SCFD2: variants seen among roughly 807,000 people sequenced by gnomAD.
The protein encoded by SCFD2 is sec1 family domain containing 2, also known as sec1 family domain-containing protein 2.
Under a neutral mutation model 58.9 loss-of-function variants are expected in SCFD2, and 54 were observed. The ratio of observed to expected loss-of-function variants is 0.92; its 90% CI spans 0.74 to 1.15. The LOEUF (loss-of-function observed/expected upper bound fraction) is 1.15, where lower values mean the gene tolerates loss of function less well. Ranked by LOEUF, SCFD2 falls within the 50% of genes most tolerant of loss-of-function variation. The pLI is 0.00. For synonymous variants in SCFD2, 321 were observed against 335.9 expected, an observed-to-expected ratio of 0.96 and a Z score of 0.49; for missense variants, 805 against 836.6, an observed-to-expected ratio of 0.96 and a Z score of 0.47.
At chr4:53,184,224 A>T (rs979801541) in intron 4 of SCFD2, among the ~76,000 whole-genome samples, 1 of 152,076 alleles carries the variant, frequency 6.6e-6, no homozygotes, top group African/African-American at 2.4e-5. Context: ...TTACCTAGGG[A>T]AAAAGACCAC....
chr4:53,261,461 C>A (rs1730826205), intron 4 of SCFD2, among the ~76,000 whole-genome samples: 1 of 152,032 alleles, frequency 6.6e-6, no homozygotes, highest in South Asian at 2.1e-4. Flanking sequence ...TAATTTGCAT[C>A]TTGATTTCAT....
At chr4:53,241,270 G>A (rs1441208886) in intron 4 of SCFD2, among the ~76,000 whole-genome samples, 1 of 152,174 alleles carries the variant, frequency 6.6e-6, no homozygotes, top group East Asian at 1.9e-4. Flanking sequence ...TTGGTGCGGT[G>A]GCAACTATAG....
At chr4:53,217,357 T>C (rs959271444) in intron 4 of SCFD2, among the ~76,000 whole-genome samples, 1 of 152,240 alleles carries the variant, frequency 6.6e-6, no homozygotes, top group Non-Finnish European at 1.5e-5. Flanking sequence ...ATGTTTAGGA[T>C]AGTTAGCTCT....
chr4:52,992,425 T>C (rs1343035115), intron 5 of SCFD2, among the ~76,000 whole-genome samples: 2 of 152,322 alleles, frequency 1.3e-5, no homozygotes, highest in East Asian at 3.9e-4. Flanking sequence ...AGTGCCGAGA[T>C]TGCAGCCTCT....
chr4:52,952,239 A>G, intron 5 of SCFD2, among the ~76,000 whole-genome samples: 1 of 115,174 alleles, frequency 8.7e-6, no homozygotes, highest in Admixed American at 9.7e-5. Flanking sequence ...ATCCCCTCTC[A>G]CAGCCCCATC....
At chr4:52,992,978 G>C (rs1294505040) in intron 5 of SCFD2, among the ~76,000 whole-genome samples, 3 of 151,892 alleles carry the variant, frequency 2.0e-5, no homozygotes, top group Non-Finnish European at 4.4e-5. Context: ...GGAAAAGATA[G>C]AGAAATCAGA....
chr4:53,219,272 C>T (rs988219789), intron 4 of SCFD2, among the ~76,000 whole-genome samples: 1 of 152,204 alleles, frequency 6.6e-6, no homozygotes, highest in African/African-American at 2.4e-5. Context: ...CCTTGAGCTG[C>T]CGTTGGCTCC....
At chr4:53,292,971 G>A (rs1334193250) in intron 3 of SCFD2, among the ~76,000 whole-genome samples, 2 of 151,956 alleles carry the variant, frequency 1.3e-5, no homozygotes, top group African/African-American at 2.4e-5. Flanking sequence ...AACCACCATG[G>A]CACATGTATA....
At chr4:53,075,063 T>C (rs1723932524) in intron 5 of SCFD2, among the ~76,000 whole-genome samples, 1 of 152,242 alleles carries the variant, frequency 6.6e-6, no homozygotes, top group East Asian at 1.9e-4. Flanking sequence ...TGTTGTTTAA[T>C]GTAGCCACCT....
intron 4 of SCFD2, among the ~76,000 whole-genome samples, chr4:53,190,543 C>G (rs766231216): frequency 1.3e-5 from 2 of 152,180 alleles, no homozygotes; most frequent in African/African-American, 4.8e-5. Flanking sequence ...GCAAACTACT[C>G]CACCTCTAAT....
At chr4:53,239,071 A>G (rs1425770897) in intron 4 of SCFD2, among the ~76,000 whole-genome samples, 1 of 151,396 alleles carries the variant, frequency 6.6e-6, no homozygotes, top group Non-Finnish European at 1.5e-5. Context: ...CCTGGGCACC[A>G]TTGAGCACTG....
At chr4:53,079,000 G>A (rs1724062594) in intron 5 of SCFD2, among the ~76,000 whole-genome samples, 1 of 129,082 alleles carries the variant, frequency 7.7e-6, no homozygotes, top group Non-Finnish European at 1.8e-5. Flanking sequence ...CCTCTGGTTT[G>A]TACAAGAACC....
chr4:52,917,081 A>G (rs530329463), intron 6 of SCFD2, among the ~76,000 whole-genome samples: 26 of 152,028 alleles, frequency 1.7e-4, no homozygotes, highest in African/African-American at 6.3e-4. Flanking sequence ...TAAATTTAAG[A>G]ATTTTTTTAG....
At chr4:52,976,617 C>A (rs1721266066) in intron 5 of SCFD2, among the ~76,000 whole-genome samples, 2 of 152,156 alleles carry the variant, frequency 1.3e-5, no homozygotes, top group African/African-American at 4.8e-5. Flanking sequence ...TGCCAGCCGA[C>A]CCTGACACTG....
At chr4:53,304,369 G>T (rs945662473) in intron 3 of SCFD2, among the ~76,000 whole-genome samples, 1 of 151,960 alleles carries the variant, frequency 6.6e-6, no homozygotes, top group Non-Finnish European at 1.5e-5. Context: ...TTTGAACGTT[G>T]GCCTGTCTTG....
intron 5 of SCFD2, among the ~76,000 whole-genome samples, chr4:52,972,696 C>T (rs980802887): frequency 3.9e-5 from 6 of 152,202 alleles, no homozygotes; most frequent in Non-Finnish European, 7.3e-5. Flanking sequence ...CTCTCCACCC[C>T]AAATCAACAG....
intron 4 of SCFD2, among the ~76,000 whole-genome samples, chr4:53,256,893 G>A (rs1178139865): frequency 7.7e-6 from 1 of 130,646 alleles, no homozygotes. Flanking sequence ...AGAGGGAGAG[G>A]GAGAGAGGGA....
chr4:53,227,677 A>G (rs1729267327), intron 4 of SCFD2, among the ~76,000 whole-genome samples: 1 of 152,184 alleles, frequency 6.6e-6, no homozygotes, highest in Non-Finnish European at 1.5e-5. Context: ...GTCATAATAT[A>G]TGGCTGGAAA....
chr4:53,315,171 G>A (rs1337704656), intron 2 of SCFD2, among the ~76,000 whole-genome samples: 4 of 148,764 alleles, frequency 2.7e-5, no homozygotes, highest in Admixed American at 2.0e-4. Context: ...TGGAAATGAT[G>A]AGCAAGTACA....
Sources: allele counts gnomAD v4.1 joint callset (sites outside exome capture counted in the v4.1 genomes callset), GRCh38; gene constraint gnomAD v4.1.1; transcripts MANE v1.5; gene names NCBI Gene and HGNC (gene_info 2026-07-23, HGNC 2026-07-21).